The following DTNBP1 variants were observed in gnomAD, a reference collection of about 807,000 sequenced individuals.
DTNBP1 encodes the protein dystrobrevin binding protein 1.
In DTNBP1, 35 loss-of-function variants were observed where a neutral mutation model predicts 42.8. The ratio of observed to expected loss-of-function variants is 0.82; its 90% CI spans 0.63 to 1.09. The LOEUF (loss-of-function observed/expected upper bound fraction) is 1.09. Ranked by LOEUF, DTNBP1 falls within the 50% of genes least tolerant of loss-of-function variation. The pLI is 0.00. For synonymous variants in DTNBP1, 171 were observed against 162.2 expected, an observed-to-expected ratio of 1.05 and a Z score of -0.41; for missense variants, 457 against 424.2, an observed-to-expected ratio of 1.08 and a Z score of -0.68.
chr6:15,578,080 C>T (rs1048519453), intron 7 of DTNBP1, among the ~76,000 whole-genome samples: 11 of 152,188 alleles, frequency 7.2e-5, no homozygotes, highest in African/African-American at 2.4e-4. Context: ...GAGAGGACAA[C>T]GCTGCCAGAG....
chr6:15,564,429 A>C (rs1774979278), intron 7 of DTNBP1, among the ~76,000 whole-genome samples: 1 of 152,054 alleles, frequency 6.6e-6, no homozygotes, highest in Non-Finnish European at 1.5e-5. Context: ...TTTTTTTGAG[A>C]CAAGGTCTCA....
chr6:15,568,501 C>T (rs911360156), intron 7 of DTNBP1, among the ~76,000 whole-genome samples: 2 of 152,114 alleles, frequency 1.3e-5, no homozygotes, highest in Non-Finnish European at 2.9e-5. Context: ...AAAGATACTA[C>T]CATTGACCCT....
chr6:15,554,752 C>A (rs572599654), intron 7 of DTNBP1, among the ~76,000 whole-genome samples: 8,881 of 152,090 alleles, frequency 0.058, 396 homozygotes, highest in African/African-American at 0.12. Flanking sequence ...GACTGATGTA[C>A]AAAAAAATGG....
intron 4 of DTNBP1, among the ~76,000 whole-genome samples, chr6:15,629,949 T>C (rs1759589310): frequency 6.6e-6 from 1 of 152,182 alleles, no homozygotes. Flanking sequence ...CCTATTCATT[T>C]TATCATGTGT....
chr6:15,570,473 A>AC lies in DTNBP1; in HGVS notation c.511+22585dup, dbSNP rs571525435. Reference sequence around the variant, plus strand: ...AAACTTTCAGAGGTCACCTGAACGAACCCATCAGAACTCAGCTATATCAAC... The same window carrying AC: ...AAACTTTCAGAGGTCACCTGAACGAACCCCATCAGAACTCAGCTATATCAAC... On this transcript the variant is annotated intron_variant, in intron 7 of 9. Transcript: ENST00000344537. 4.5e-3 allele frequency among the ~76,000 whole-genome samples: 685 copies of AC among 152,270 alleles called. 3 individuals are homozygous for AC. Among genetic ancestry groups the AC allele is most frequent in the Non-Finnish European group, 7.1e-3 (480 of 68,018 alleles).
Position 15,524,526 on chromosome 6 carries a change from C to T in DTNBP1, c.811G>A (p.Gly271Arg). Residue 271 changes from glycine (G) to arginine (R), a missense_variant and splice_region_variant, in exon 9 of 10, where the codon GGG becomes AGG. Physicochemically the swap from Gly to Arg is moderately radical, Grantham distance 125 (BLOSUM62 -2). Transcript: ENST00000344537. ...GCTAATGCAAGTTTGTCAACCCTAC[C>T]TAAGGCGGGGGACAGCACAGTGTTC... is the stretch of plus-strand genomic sequence containing the variant. Reference protein sequence around the residue: ...EENTVLSPALGPESSTCQNEI... With the variant: ...EENTVLSPALRPESSTCQNEI... 1 of 1,607,552 alleles carries T rather than the reference C, an allele frequency of 6.2e-7. No homozygotes were observed. The highest frequency in any genetic ancestry group is 8.5e-7 in the Non-Finnish European group (1 of 1,175,570).
intron 7 of DTNBP1, among the ~76,000 whole-genome samples, chr6:15,553,522 T>C (rs890252788): frequency 2.0e-5 from 3 of 148,786 alleles, no homozygotes; most frequent in African/African-American, 7.4e-5. Context: ...TATCTATCTT[T>C]CCTCACATGC....
upstream of DTNBP1, chr6:15,663,056 G>A (rs996601566): frequency 1.4e-6 from 1 of 727,778 alleles, no homozygotes; most frequent in Non-Finnish European, 2.0e-6. Flanking sequence ...CGCCCCGCGC[G>A]CGCCAGGCTC....
intron 7 of DTNBP1, among the ~76,000 whole-genome samples, chr6:15,590,300 G>A (rs1045583200): frequency 6.6e-6 from 1 of 152,124 alleles, no homozygotes; most frequent in African/African-American, 2.4e-5. Flanking sequence ...GGTCACCAAT[G>A]ACCTGTTCAT....
At chr6:15,543,109 T>A (rs1773673350) in intron 7 of DTNBP1, among the ~76,000 whole-genome samples, 1 of 152,202 alleles carries the variant, frequency 6.6e-6, no homozygotes, top group Non-Finnish European at 1.5e-5. Context: ...TGAAAGTCCC[T>A]ATTTTAGGGG....
At chr6:15,564,946 A>C (rs1438455152) in intron 7 of DTNBP1, among the ~76,000 whole-genome samples, 1 of 152,122 alleles carries the variant, frequency 6.6e-6, no homozygotes, top group African/African-American at 2.4e-5. Context: ...GAGACACCCA[A>C]GTAAACAAAA....
chr6:15,593,553 G>C (rs141477188), intron 6 of DTNBP1, among the ~76,000 whole-genome samples: 1 of 152,184 alleles, frequency 6.6e-6, no homozygotes, highest in South Asian at 2.1e-4. Context: ...AGAAAAGGGG[G>C]AAAGTGCATA....
chr6:15,531,696 C>T lies in DTNBP1; in HGVS notation c.667+1544G>A, dbSNP rs144647696. On this transcript the variant is annotated intron_variant, in intron 8 of 9. Coordinates refer to ENST00000344537, the MANE Select transcript of DTNBP1 (RefSeq NM_032122.5). ...GTCGCCAGGCTGGAGTGCAGTGGCG[C>T]GATCTCAGCTCACTGCAACCTCTGC... Among the ~76,000 whole-genome samples the T allele has an allele frequency of 2.7e-3, 418 of 152,238 alleles. 3 individuals carry two copies. Among genetic ancestry groups the T allele is most frequent in the African/African-American group, 9.7e-3 (403 of 41,540 alleles).
At chr6:15,524,274 G>C in intron 9 of DTNBP1, 1 of 1,606,978 alleles carries the variant, frequency 6.2e-7, no homozygotes, top group Non-Finnish European at 8.5e-7. Context: ...AAACAAACAA[G>C]AAAGCTCTCA....
intron 6 of DTNBP1, among the ~76,000 whole-genome samples, chr6:15,593,354 C>T (rs925069759): frequency 2.6e-5 from 4 of 151,928 alleles, no homozygotes; most frequent in Non-Finnish European, 5.9e-5. Flanking sequence ...AACAATAAAA[C>T]AATTATAAGA....
At chr6:15,524,271 C>A in intron 9 of DTNBP1, 1 of 1,604,058 alleles carries the variant, frequency 6.2e-7, no homozygotes, top group East Asian at 2.2e-5. Flanking sequence ...GGAAAACAAA[C>A]AAGAAAGCTC....
At chr6:15,532,463 TAAC>T (rs1288885198) in intron 8 of DTNBP1, among the ~76,000 whole-genome samples, 2 of 152,128 alleles carry the variant, frequency 1.3e-5, no homozygotes, top group Non-Finnish European at 2.9e-5. Context: ...ATAGTATTTT[TAAC>T]AACAGGCGGA....
intron 3 of DTNBP1, among the ~76,000 whole-genome samples, chr6:15,650,665 T>A (rs1760942321): frequency 6.6e-6 from 1 of 152,238 alleles, no homozygotes; most frequent in Non-Finnish European, 1.5e-5. Context: ...TTGCATATCT[T>A]CTTTTGAGAA....
chr6:15,566,398 C>A (rs780941349), intron 7 of DTNBP1, among the ~76,000 whole-genome samples: 15 of 151,642 alleles, frequency 9.9e-5, no homozygotes, highest in Non-Finnish European at 1.9e-4. Context: ...TCCAAAGAAA[C>A]CTGAAAGGCC....
Sources: gnomAD v4.1 joint callset for allele counts (sites outside exome capture counted in the v4.1 genomes callset) on GRCh38, gnomAD v4.1.1 for gene constraint, MANE v1.5 for transcripts, NCBI Gene and HGNC (gene_info 2026-07-23, HGNC 2026-07-21) for gene names.